The following SPPL3 variants were observed in gnomAD, a reference collection of about 807,000 sequenced individuals.
The protein encoded by SPPL3 is signal peptide peptidase like 3, also known as signal peptide peptidase-like 3.
SPPL3 carries 5 observed loss-of-function variants against 42.4 expected under a neutral mutation model. The observed-to-expected ratio is 0.12, with a 90% CI of 0.06 to 0.25. The LOEUF is 0.25. SPPL3 is among the 10% of genes least tolerant of loss of function. SPPL3 has a pLI of 1.00. For missense variants in SPPL3, 235 were observed against 489.0 expected, an observed-to-expected ratio of 0.48 and a Z score of 4.90; for synonymous variants, 195 against 181.8, an observed-to-expected ratio of 1.07 and a Z score of -0.58.
At chr12:120,831,373 C>A (rs916303474) in intron 1 of SPPL3, among the ~76,000 whole-genome samples, 3 of 152,140 alleles carry the variant, frequency 2.0e-5, no homozygotes, top group Non-Finnish European at 4.4e-5. Flanking sequence ...ACAATGGGTC[C>A]TCCAGCACTC....
At chr12:120,867,110 G>A (rs916401010) in intron 1 of SPPL3, among the ~76,000 whole-genome samples, 1 of 151,956 alleles carries the variant, frequency 6.6e-6, no homozygotes, top group African/African-American at 2.4e-5. Context: ...ATTTATCTTG[G>A]AACAGGCTAT....
intron 2 of SPPL3, among the ~76,000 whole-genome samples, chr12:120,794,660 T>C (rs1028334429): frequency 1.3e-5 from 2 of 152,126 alleles, no homozygotes; most frequent in African/African-American, 2.4e-5. Context: ...CCTCCCAAAG[T>C]GCTGGGATTA....
chr12:120,829,975 C>T lies in SPPL3; in HGVS notation c.24-19089G>A, dbSNP rs551284070. Among the ~76,000 whole-genome samples, 20 of 132,542 alleles carry T rather than the reference C, an allele frequency of 1.5e-4. No individual in the cohort carries two copies. In the South Asian group the frequency reaches 4.6e-3, roughly 30 times the overall value. The allele number at this position is 132,542 out of a possible 152,430, so 87.0% of individuals were successfully genotyped here. A position where few individuals can be genotyped will look rare whatever the true frequency, so the allele number is the denominator to read the frequency against. ...CACCATTGCACTCCAGGCTGGGTGA[C>T]AAGAGCAAAACTCCATCTCAAAAAA... On this transcript the variant is annotated intron_variant, in intron 1 of 10. Transcript: ENST00000353487.
chr12:120,873,873 A>C (rs1163630452), intron 1 of SPPL3, among the ~76,000 whole-genome samples: 1 of 152,056 alleles, frequency 6.6e-6, no homozygotes, highest in East Asian at 1.9e-4. Flanking sequence ...CTCCATCTCA[A>C]AAAAATTAAT....
At chr12:120,780,681 G>T (rs978973301) in intron 6 of SPPL3, among the ~76,000 whole-genome samples, 28 of 151,226 alleles carry the variant, frequency 1.9e-4, no homozygotes, top group African/African-American at 6.6e-4. Flanking sequence ...TGAGGTCAGG[G>T]GTTCGAGACT....
intron 7 of SPPL3, 34 bp downstream of exon 7, chr12:120,768,919 G>A (rs930302466): frequency 1.3e-6 from 2 of 1,549,768 alleles, no homozygotes; most frequent in South Asian, 1.2e-5. Flanking sequence ...TCAACACAAA[G>A]AAGGGGAGGA....
At chr12:120,895,879 G>A (rs978093957) in intron 1 of SPPL3, among the ~76,000 whole-genome samples, 7 of 152,150 alleles carry the variant, frequency 4.6e-5, no homozygotes, top group African/African-American at 1.2e-4. Context: ...TTCCTGATTC[G>A]AAGAAACCGT....
chr12:120,868,240 A>G (rs1872816517), intron 1 of SPPL3, among the ~76,000 whole-genome samples: 1 of 151,978 alleles, frequency 6.6e-6, no homozygotes. Flanking sequence ...TGGGTGACGG[A>G]GCAAGACCCT....
At chr12:120,832,650 G>A (rs1340545571) in intron 1 of SPPL3, among the ~76,000 whole-genome samples, 1 of 150,334 alleles carries the variant, frequency 6.7e-6, no homozygotes, top group Non-Finnish European at 1.5e-5. Flanking sequence ...TGGGGAACAA[G>A]AACGAAACTC....
intron 2 of SPPL3, among the ~76,000 whole-genome samples, chr12:120,802,567 G>C (rs1277344084): frequency 1.3e-5 from 2 of 151,372 alleles, no homozygotes; most frequent in Non-Finnish European, 2.9e-5. Context: ...CTGAGTAGCT[G>C]GGATTACAGG....
intron 1 of SPPL3, among the ~76,000 whole-genome samples, chr12:120,826,989 A>G (rs1871247735): frequency 6.6e-6 from 1 of 152,166 alleles, no homozygotes; most frequent in African/African-American, 2.4e-5. Flanking sequence ...TGGTAGCTGT[A>G]AAGGGTGCTG....
At chr12:120,766,213 C>A (rs1308578688) in intron 10 of SPPL3, 50 bp downstream of exon 10, 1 of 1,476,298 alleles carries the variant, frequency 6.8e-7, no homozygotes, top group Admixed American at 2.1e-5. Flanking sequence ...AACCGAGGCA[C>A]AGGCCAATCC....
At chr12:120,887,534 C>T (rs997447386) in intron 1 of SPPL3, among the ~76,000 whole-genome samples, 12 of 152,104 alleles carry the variant, frequency 7.9e-5, no homozygotes, top group Non-Finnish European at 4.4e-5. Context: ...ATCACTTAAC[C>T]AAAGGGAAGA....
intron 2 of SPPL3, among the ~76,000 whole-genome samples, chr12:120,803,501 CATT>C (rs1248896306): frequency 1.3e-5 from 2 of 151,814 alleles, no homozygotes; most frequent in Non-Finnish European, 1.5e-5. Context: ...TTAACCTTAA[CATT>C]ATTTTTTTCT....
At chr12:120,897,978 A>T (rs187471165) in intron 1 of SPPL3, among the ~76,000 whole-genome samples, 1 of 152,144 alleles carries the variant, frequency 6.6e-6, no homozygotes, top group Non-Finnish European at 1.5e-5. Context: ...ACAATACATC[A>T]CCTCAATATA....
intron 1 of SPPL3, among the ~76,000 whole-genome samples, chr12:120,833,786 T>TAA (rs1370192687): frequency 1.3e-5 from 2 of 151,284 alleles, no homozygotes; most frequent in Non-Finnish European, 2.9e-5. Context: ...TGTGTGTGTG[T>TAA]GTGTGTGTGT....
chr12:120,827,953 A>G (rs1237145956), intron 1 of SPPL3, among the ~76,000 whole-genome samples: 2 of 152,018 alleles, frequency 1.3e-5, no homozygotes, highest in African/African-American at 4.8e-5. Context: ...ACACCTAGCT[A>G]ATTTTTGTAT....
intron 1 of SPPL3, among the ~76,000 whole-genome samples, chr12:120,853,081 G>C (rs1872317386): frequency 6.6e-6 from 1 of 151,480 alleles, no homozygotes; most frequent in African/African-American, 2.4e-5. Context: ...ATTTTTAGTG[G>C]AGACAGGGTT....
chr12:120,861,496 C>A (rs1872617701), intron 1 of SPPL3, among the ~76,000 whole-genome samples: 1 of 152,110 alleles, frequency 6.6e-6, no homozygotes. Flanking sequence ...TCTAGCTACT[C>A]CAGCAGCCAC....
Sources: gnomAD v4.1 joint callset for allele counts (sites outside exome capture counted in the v4.1 genomes callset) on GRCh38, gnomAD v4.1.1 for gene constraint, MANE v1.5 for transcripts, NCBI Gene and HGNC (gene_info 2026-07-23, HGNC 2026-07-21) for gene names.